Variants in ARB2A observed in about 807,000 individuals in gnomAD.
ARB2A encodes cotranscriptional regulator ARB2A.
the ARB2A span, among the ~76,000 whole-genome samples, chr5:93,670,209 G>C: frequency 2.0e-5 from 3 of 152,124 alleles, no homozygotes; most frequent in Non-Finnish European, 4.4e-5. Flanking sequence ...TTCTTAAGTG[G>C]TCAGCTGCTT....
At chr5:93,717,250 G>C in the ARB2A span, among the ~76,000 whole-genome samples, 1 of 152,138 alleles carries the variant, frequency 6.6e-6, no homozygotes, top group Non-Finnish European at 1.5e-5. Context: ...TACTGCTGCA[G>C]AAGTACATTA....
chr5:93,911,869 T>C, the ARB2A span, among the ~76,000 whole-genome samples: 1 of 151,708 alleles, frequency 6.6e-6, no homozygotes, highest in Non-Finnish European at 1.5e-5. Flanking sequence ...AGCTGTATTC[T>C]TACATGCATC....
chr5:93,904,371 C>A, the ARB2A span, among the ~76,000 whole-genome samples: 1 of 151,740 alleles, frequency 6.6e-6, no homozygotes, highest in Non-Finnish European at 1.5e-5. Context: ...AAAGTTATAT[C>A]TTTCTCATGT....
the ARB2A span, among the ~76,000 whole-genome samples, chr5:93,917,128 A>G: frequency 6.6e-6 from 1 of 152,284 alleles, no homozygotes; most frequent in African/African-American, 2.4e-5. Flanking sequence ...CACCTCAGAG[A>G]AGTTAAGTAA....
At chr5:93,967,486 G>A in the ARB2A span, among the ~76,000 whole-genome samples, 30 of 152,180 alleles carry the variant, frequency 2.0e-4, no homozygotes, top group African/African-American at 7.0e-4. Context: ...ATCAGTTTAC[G>A]GGGTACCTCA....
At chr5:93,643,459 TATGTGAATAGCCCATAGA>T in the ARB2A span, among the ~76,000 whole-genome samples, 1 of 152,244 alleles carries the variant, frequency 6.6e-6, no homozygotes, top group African/African-American at 2.4e-5. Context: ...TATAATATTA[TATGTGAATAGCCCATAGA>T]ATATGAAGAC....
chr5:93,670,078 A>T, the ARB2A span, among the ~76,000 whole-genome samples: 1 of 152,018 alleles, frequency 6.6e-6, no homozygotes, highest in Non-Finnish European at 1.5e-5. Context: ...GTCATTTTTC[A>T]TCCTTCCTAT....
chr5:94,007,570 C>T, the ARB2A span, among the ~76,000 whole-genome samples: 9 of 151,976 alleles, frequency 5.9e-5, no homozygotes, highest in Non-Finnish European at 1.0e-4. Context: ...GTCAGGAGTT[C>T]GAGACCAGCC....
At chr5:93,920,988 T>A in the ARB2A span, among the ~76,000 whole-genome samples, 1 of 152,000 alleles carries the variant, frequency 6.6e-6, no homozygotes, top group Non-Finnish European at 1.5e-5. Context: ...AATAACACCA[T>A]GAGACTCATG....
the ARB2A span, among the ~76,000 whole-genome samples, chr5:93,710,366 T>C: frequency 4.8e-4 from 73 of 152,360 alleles, no homozygotes; most frequent in Non-Finnish European, 9.1e-4. Context: ...CATTCCTCCA[T>C]GTCACCAATC....
the ARB2A span, among the ~76,000 whole-genome samples, chr5:93,767,053 G>T: frequency 1.4e-5 from 2 of 141,272 alleles, no homozygotes; most frequent in South Asian, 2.6e-4. Context: ...TTGGGGGGAG[G>T]GGGGAGGGAT....
the ARB2A span, among the ~76,000 whole-genome samples, chr5:94,017,729 A>G: frequency 6.6e-6 from 1 of 152,208 alleles, no homozygotes; most frequent in Non-Finnish European, 1.5e-5. Context: ...TGTAGTGCTG[A>G]TATGACAAAT....
the ARB2A span, among the ~76,000 whole-genome samples, chr5:93,925,882 G>T: frequency 3.9e-5 from 6 of 152,084 alleles, no homozygotes; most frequent in Non-Finnish European, 5.9e-5. Flanking sequence ...CACTACTAAA[G>T]GGCAGCTTTT....
the ARB2A span, among the ~76,000 whole-genome samples, chr5:94,047,236 A>C: frequency 2.6e-5 from 4 of 152,226 alleles, no homozygotes; most frequent in Admixed American, 2.6e-4. Flanking sequence ...TCATGCCTGT[A>C]ATCCCAGCTC....
chr5:93,774,608 C>G, the ARB2A span, among the ~76,000 whole-genome samples: 126 of 152,220 alleles, frequency 8.3e-4, no homozygotes, highest in Non-Finnish European at 6.2e-4. Context: ...CCACATTTTT[C>G]TAGTTTTGTG....
chr5:93,675,528 C>T, the ARB2A span, among the ~76,000 whole-genome samples: 1 of 152,182 alleles, frequency 6.6e-6, no homozygotes, highest in Non-Finnish European at 1.5e-5. Context: ...AAAACAAAAA[C>T]CTCACTCAGC....
the ARB2A span, among the ~76,000 whole-genome samples, chr5:93,855,662 A>G: frequency 7.9e-5 from 12 of 152,190 alleles, no homozygotes; most frequent in Non-Finnish European, 1.0e-4. Context: ...TGGTGGTGAC[A>G]AAATCTCTCA....
chr5:94,093,788 C>G, the ARB2A span, among the ~76,000 whole-genome samples: 1 of 152,110 alleles, frequency 6.6e-6, no homozygotes, highest in Non-Finnish European at 1.5e-5. Context: ...TGGGTAAGAA[C>G]GAGGTATGAT....
chr5:94,077,309 G>T, the ARB2A span, among the ~76,000 whole-genome samples: 58 of 151,734 alleles, frequency 3.8e-4, no homozygotes, highest in Non-Finnish European at 5.7e-4. Flanking sequence ...GGAGGCAGAG[G>T]TTGCAGTGAG....
Sources: gnomAD v4.1 joint callset for allele counts (sites outside exome capture counted in the v4.1 genomes callset) on GRCh38, gnomAD v4.1.1 for gene constraint, MANE v1.5 for transcripts, NCBI Gene and HGNC (gene_info 2026-07-23, HGNC 2026-07-21) for gene names.